MCMDC2: variants seen among roughly 807,000 people sequenced by gnomAD.
MCMDC2 encodes minichromosome maintenance domain containing 2.
Under a neutral mutation model 75.8 loss-of-function variants are expected in MCMDC2, and 54 were observed. That is an observed-to-expected ratio of 0.71 (90% CI 0.57 to 0.89). The LOEUF is 0.89. Among genes scored for constraint, MCMDC2 ranks in the 40% least tolerant of loss-of-function variants. The pLI is 0.00. For synonymous variants in MCMDC2, 249 were observed against 274.6 expected (o/e 0.91, Z 0.92); for missense variants, 656 against 780.4 (o/e 0.84, Z 1.90).
chr8:66,884,121 T>A (rs1299109200), intron 9 of MCMDC2, 127 bp downstream of exon 9: 7 of 626,922 alleles, frequency 1.1e-5, no homozygotes, highest in Non-Finnish European at 1.9e-5. Flanking sequence ...TTTAAATCAA[T>A]CTTTATCAAT....
intron 1 of MCMDC2, among the ~76,000 whole-genome samples, chr8:66,872,957 CAA>C (rs749748721): frequency 5.7e-4 from 23 of 40,132 alleles, no homozygotes; most frequent in African/African-American, 1.8e-3. Flanking sequence ...GACTCCATCT[CAA>C]AAAAAAAAAA....
At chr8:66,881,038 A>G (rs1364846769) in intron 8 of MCMDC2, 64 bp downstream of exon 8, 5 of 1,276,042 alleles carry the variant, frequency 3.9e-6, no homozygotes, top group African/African-American at 3.1e-5. Context: ...TGTTCAGCAG[A>G]TAAGTATTGT....
At chr8:66,882,010 G>A (rs888263399) in intron 8 of MCMDC2, among the ~76,000 whole-genome samples, 1 of 152,196 alleles carries the variant, frequency 6.6e-6, no homozygotes, top group East Asian at 1.9e-4. Context: ...AACAAAGGAG[G>A]CAGACAAGTC....
intron 10 of MCMDC2, among the ~76,000 whole-genome samples, chr8:66,895,400 CTTTT>C (rs34840665): frequency 1.5e-5 from 2 of 136,342 alleles, no homozygotes. Flanking sequence ...TTCTTTCTTT[CTTTT>C]TTTTTTTTTT....
intron 12 of MCMDC2, 55 bp from the exon 13 acceptor site, chr8:66,901,139 CTTTTGATTTCTG>C: frequency 8.4e-7 from 1 of 1,188,530 alleles, no homozygotes; most frequent in South Asian, 1.3e-5. Context: ...TGCCAGTATA[CTTTTGATTTCTG>C]TTATATTGAT....
At chr8:66,907,839 T>C (rs1490956906) in intron 14 of MCMDC2, among the ~76,000 whole-genome samples, 1 of 152,234 alleles carries the variant, frequency 6.6e-6, no homozygotes, top group African/African-American at 2.4e-5. Flanking sequence ...GATGAGCTTT[T>C]TTTCATATGT....
At chr8:66,910,809 C>CAAAAAAAAAAA (rs765402558) in intron 14 of MCMDC2, among the ~76,000 whole-genome samples, 1 of 135,430 alleles carries the variant, frequency 7.4e-6, no homozygotes. Context: ...AACTCCATCT[C>CAAAAAAAAAAA]AAAAAAAAAA....
At chr8:66,876,798 T>C (rs745491461) in intron 4 of MCMDC2, among the ~76,000 whole-genome samples, 2 of 150,468 alleles carry the variant, frequency 1.3e-5, no homozygotes, top group Non-Finnish European at 3.0e-5. Flanking sequence ...TCTCACTCTG[T>C]TGCCCAGGCT....
chr8:66,875,475 C>A (rs1243394517), intron 4 of MCMDC2, among the ~76,000 whole-genome samples: 2 of 152,114 alleles, frequency 1.3e-5, no homozygotes, highest in Non-Finnish European at 2.9e-5. Flanking sequence ...GACGAGGTTT[C>A]TCCATGTTGG....
intron 13 of MCMDC2, among the ~76,000 whole-genome samples, chr8:66,902,672 G>A (rs1301890919): frequency 2.7e-5 from 3 of 111,558 alleles, no homozygotes; most frequent in Non-Finnish European, 5.1e-5. Flanking sequence ...CCAGCCTGGC[G>A]ACAGAGCAAG....
At chr8:66,906,808 C>T (rs1238897357) in intron 14 of MCMDC2, among the ~76,000 whole-genome samples, 1 of 150,866 alleles carries the variant, frequency 6.6e-6, no homozygotes, top group African/African-American at 2.4e-5. Flanking sequence ...TGGAGTTTCA[C>T]TCTTGTTGCC....
At chr8:66,875,594 A>G (rs972092840) in intron 4 of MCMDC2, among the ~76,000 whole-genome samples, 1 of 152,178 alleles carries the variant, frequency 6.6e-6, no homozygotes, top group African/African-American at 2.4e-5. Flanking sequence ...CATTTTTGTT[A>G]TGTTACCAGA....
At chr8:66,910,245 C>T (rs557682318) in intron 14 of MCMDC2, among the ~76,000 whole-genome samples, 3 of 152,356 alleles carry the variant, frequency 2.0e-5, no homozygotes, top group Non-Finnish European at 2.9e-5. Context: ...GGACCTCCCA[C>T]ACACATAGTC....
chr8:66,881,975 C>T (rs932580019), intron 8 of MCMDC2, among the ~76,000 whole-genome samples: 6 of 152,068 alleles, frequency 3.9e-5, no homozygotes, highest in Admixed American at 2.6e-4. Context: ...TCAAAGTGAT[C>T]CCCAAATGCA....
At chr8:66,922,542 A>C (rs368436396), downstream of MCMDC2, 3 of 518,808 alleles carry the variant, frequency 5.8e-6, no homozygotes, top group African/African-American at 1.9e-5. Context: ...AATTTAAGTC[A>C]TCATTGTGCC....
chr8:66,871,140 A>C, intron 1 of MCMDC2, among the ~76,000 whole-genome samples: 1 of 151,958 alleles, frequency 6.6e-6, no homozygotes, highest in Non-Finnish European at 1.5e-5. Context: ...CCGACTTAAT[A>C]TGCCTCCGTG....
At chr8:66,916,418 G>A (rs1452098787) in intron 14 of MCMDC2, among the ~76,000 whole-genome samples, 1 of 152,150 alleles carries the variant, frequency 6.6e-6, no homozygotes, top group African/African-American at 2.4e-5. Flanking sequence ...AGTTATTGTG[G>A]GGGCTAGAAG....
intron 14 of MCMDC2, among the ~76,000 whole-genome samples, chr8:66,907,023 C>A (rs1175840591): frequency 6.6e-6 from 1 of 152,076 alleles, no homozygotes; most frequent in African/African-American, 2.4e-5. Flanking sequence ...CTGACTTGGC[C>A]TCCCAAAGTG....
intron 8 of MCMDC2, among the ~76,000 whole-genome samples, 170 bp from the exon 9 acceptor site, chr8:66,883,587 G>A (rs1382476763): frequency 6.6e-6 from 1 of 151,630 alleles, no homozygotes; most frequent in Non-Finnish European, 1.5e-5. Flanking sequence ...TGAGGCCAGG[G>A]GTTCAAGACC....
Sources: allele counts gnomAD v4.1 joint callset (sites outside exome capture counted in the v4.1 genomes callset), GRCh38; gene constraint gnomAD v4.1.1; transcripts MANE v1.5; gene names NCBI Gene and HGNC (gene_info 2026-07-23, HGNC 2026-07-21).